Variants in CKAP2L observed in about 807,000 individuals in gnomAD.
The protein encoded by CKAP2L is cytoskeleton associated protein 2L, also known as cytoskeleton-associated protein 2-like.
Under a neutral mutation model 65.7 loss-of-function variants are expected in CKAP2L, and 42 were observed. The ratio of observed to expected loss-of-function variants is 0.64; its 90% CI spans 0.50 to 0.83. The LOEUF is 0.83. CKAP2L is among the 40% of genes least tolerant of loss of function. The pLI is 0.00. For missense variants in CKAP2L, 908 were observed against 871.0 expected (o/e 1.04, Z -0.53); for synonymous variants, 325 against 313.5 (o/e 1.04, Z -0.39).
chr2:112,756,284 G>T lies in CKAP2L; in HGVS notation c.1087C>A (p.Pro363Thr). The change falls in exon 4 of 9, where the codon CCT (proline) becomes ACT (threonine). Residue 363 changes from proline (P) to threonine (T), a missense_variant. By Grantham distance (38) the Pro-to-Thr change is conservative. Transcript: ENST00000302450. ...TTTTGCAGTACACATGATGTCTGAG[G>T]TATACAAACTTGGCTGGACTTCTGA... Reference protein sequence around the residue: ...QDQKSSQVCIPQTSCVLQKSK... With the variant: ...QDQKSSQVCITQTSCVLQKSK... 1 of 1,614,090 alleles carries T rather than the reference G, an allele frequency of 6.2e-7. No homozygotes were observed. Among genetic ancestry groups the T allele is most frequent in the Non-Finnish European group, 8.5e-7 (1 of 1,179,982 alleles).
rs777273612 is a variant in CKAP2L, at chr2:112,757,021, G to C, written c.350C>G (p.Ser117Cys). 1 of 1,614,046 alleles carries C rather than the reference G, an allele frequency of 6.2e-7. No individual in the cohort carries two copies. Among genetic ancestry groups the C allele is most frequent in the East Asian group, 2.2e-5 (1 of 44,900 alleles). Residue 117 changes from serine (S) to cysteine (C), a missense_variant, in exon 4 of 9, where the codon TCT becomes TGT. Ser to Cys is a moderately radical substitution (Grantham distance 112, BLOSUM62 -1). Coordinates refer to ENST00000302450, the MANE Select transcript of CKAP2L (RefSeq NM_152515.5). ...TTCACACTGTTGAAAACTCTTGCTA[G>C]AAGGCTTAGAGTATGGGTTAGAAGA... ...CVSSNPYSKPSSKSFQQCEAG... is the reference protein window; with the variant it reads ...CVSSNPYSKPCSKSFQQCEAG...
Position 112,764,569 on chromosome 2 carries a change from G to C in CKAP2L, c.30C>G (p.Ala10=). 1 of 1,614,152 alleles carries C rather than the reference G, an allele frequency of 6.2e-7. No individual in the cohort carries two copies. Among genetic ancestry groups the C allele is most frequent in the Non-Finnish European group, 8.5e-7 (1 of 1,179,998 alleles). The change falls in exon 1 of 9, where the codon GCC becomes GCG. Residue 10 remains alanine (A), a synonymous_variant. Coordinates refer to ENST00000302450, the MANE Select transcript of CKAP2L (RefSeq NM_152515.5). The stretch of plus-strand genomic sequence containing the variant: ...AACAGCGGTCGTACTCACCGACAGC[G>C]GCAGCAGCGGTAGGCCCGGGCCCCA... MVGPGPTAA[A]AVEERQRKLQ... is the part of the protein sequence containing the mutation.
rs1403222821 is a variant in CKAP2L, at chr2:112,739,060, C to G, written c.2013-12G>C. On this transcript the variant is annotated splice_polypyrimidine_tract_variant and intron_variant, in intron 8 of 8. Coordinates refer to ENST00000302450, the MANE Select transcript of CKAP2L (RefSeq NM_152515.5). ...GCATCCCATTTATTCTGAGAGACAG[C>G]AAGAGATGCATTAAAAACCTTATCA... 1 of 1,581,880 alleles carries G rather than the reference C, an allele frequency of 6.3e-7. No individual in the cohort carries two copies.
At chr2:112,757,300 A>C in intron 3 of CKAP2L, 86 bp from the exon 4 acceptor site, 1 of 940,530 alleles carries the variant, frequency 1.1e-6, no homozygotes, top group Non-Finnish European at 1.5e-6. Flanking sequence ...ACACATGCTA[A>C]AAAAAATAAT....
In CKAP2L at chr2:112,739,107, ATT is replaced by A. The variant is rs1431905975; in HGVS notation, c.2013-61_2013-60del. The A allele has an allele frequency of 6.1e-6, 8 of 1,318,346 alleles. No homozygotes were observed. In the East Asian group the frequency reaches 1.0e-4, roughly 17 times the overall value. The allele number at this position is 1,318,346 out of a possible 1,614,324, so 81.7% of individuals were successfully genotyped here. On this transcript the variant is annotated intron_variant, in intron 8 of 8. Transcript: ENST00000302450. Reference sequence around the variant, plus strand: ...ATCATTTAAAAAAATTATCTTTATTATTTTTTGTTTCTTATTCAATAATAAAA... The same window carrying A: ...ATCATTTAAAAAAATTATCTTTATTATTTTGTTTCTTATTCAATAATAAAA...
intron 3 of CKAP2L, among the ~76,000 whole-genome samples, chr2:112,758,033 G>A (rs1288499560): frequency 6.6e-6 from 1 of 152,174 alleles, no homozygotes; most frequent in Non-Finnish European, 1.5e-5. Flanking sequence ...AAGGAGATAG[G>A]TGGCAGATGA....
At chr2:112,763,002 TCTC>T (rs1360280970) in intron 1 of CKAP2L, among the ~76,000 whole-genome samples, 4 of 152,158 alleles carry the variant, frequency 2.6e-5, no homozygotes, top group Admixed American at 2.6e-4. Flanking sequence ...CCAGGGGTGG[TCTC>T]AAATTCCTGA....
intron 4 of CKAP2L, among the ~76,000 whole-genome samples, chr2:112,753,686 C>A (rs1431023170): frequency 1.3e-5 from 2 of 152,094 alleles, no homozygotes; most frequent in South Asian, 2.1e-4. Context: ...TGCCACCACA[C>A]CCGGCTAATT....
chr2:112,743,154 T>C (rs1680076027), intron 6 of CKAP2L, among the ~76,000 whole-genome samples: 1 of 152,108 alleles, frequency 6.6e-6, no homozygotes. Flanking sequence ...GATATAGATA[T>C]ATTTTCTTGA....
chr2:112,757,329 T>A, intron 3 of CKAP2L, 115 bp from the exon 4 acceptor site: 1 of 720,734 alleles, frequency 1.4e-6, no homozygotes, highest in Non-Finnish European at 2.1e-6. Context: ...GAATTTCATC[T>A]AAGAAAGTTG....
chr2:112,757,689 C>T (rs1680589181), intron 3 of CKAP2L, among the ~76,000 whole-genome samples: 1 of 152,142 alleles, frequency 6.6e-6, no homozygotes, highest in Non-Finnish European at 1.5e-5. Context: ...CACACCTGTC[C>T]TAACAGGTAG....
intron 6 of CKAP2L, chr2:112,742,973 C>T: frequency 3.7e-6 from 2 of 547,656 alleles, no homozygotes; most frequent in South Asian, 2.5e-5. Context: ...TAAGTGTTGG[C>T]ACACTCGACT....
chr2:112,753,215 T>C (rs1680431182), intron 4 of CKAP2L, among the ~76,000 whole-genome samples: 1 of 152,192 alleles, frequency 6.6e-6, no homozygotes, highest in African/African-American at 2.4e-5. Context: ...TCCCCAAACT[T>C]TGTAAAACCC....
At chr2:112,758,742 T>G (rs1680619934) in intron 3 of CKAP2L, among the ~76,000 whole-genome samples, 1 of 152,214 alleles carries the variant, frequency 6.6e-6, no homozygotes, top group Non-Finnish European at 1.5e-5. Flanking sequence ...ATTGATATAA[T>G]CCACAAACCA....
chr2:112,756,449 T>G lies in CKAP2L; in HGVS notation c.922A>C (p.Ser308Arg). 2 of 1,613,650 alleles carry G rather than the reference T, an allele frequency of 1.2e-6. No individual in the cohort carries two copies. The highest frequency in any genetic ancestry group is 1.7e-6 in the Non-Finnish European group (2 of 1,179,802). ...GTTTCATTTGGTCTTTCATATTGAC[T>G]CCTATTAACCTTTATATCTTTGATG... ...KNIKDIKVNRSQYERPNETKI... is the reference protein window; with the variant it reads ...KNIKDIKVNRRQYERPNETKI... The change falls in exon 4 of 9, where the codon AGT becomes CGT. Residue 308 changes from serine (S) to arginine (R), a missense_variant. Physicochemically the swap from Ser to Arg is moderately radical, Grantham distance 110 (BLOSUM62 -1). Coordinates refer to ENST00000302450, the MANE Select transcript of CKAP2L (RefSeq NM_152515.5).
intron 1 of CKAP2L, 109 bp downstream of exon 1, chr2:112,764,453 G>T: frequency 8.1e-7 from 1 of 1,231,438 alleles, no homozygotes; most frequent in Non-Finnish European, 1.2e-6. Context: ...GGAAACTTAG[G>T]CAGGCGAGCG....
intron 3 of CKAP2L, among the ~76,000 whole-genome samples, chr2:112,758,777 C>T (rs889690951): frequency 6.6e-6 from 1 of 151,988 alleles, no homozygotes; most frequent in Non-Finnish European, 1.5e-5. Context: ...TTAGTAAGTG[C>T]ACACTTCTGT....
intron 1 of CKAP2L, among the ~76,000 whole-genome samples, chr2:112,762,900 C>T (rs1305169460): frequency 6.6e-6 from 1 of 151,992 alleles, no homozygotes; most frequent in Non-Finnish European, 1.5e-5. Context: ...CCTCACACCT[C>T]AGTCTCCTGA....
chr2:112,744,963 G>T (rs1262374961), intron 6 of CKAP2L, among the ~76,000 whole-genome samples: 1 of 152,036 alleles, frequency 6.6e-6, no homozygotes, highest in Non-Finnish European at 1.5e-5. Context: ...AGAAAGAAAT[G>T]AAAAACATTG....
Sources: allele counts gnomAD v4.1 joint callset (sites outside exome capture counted in the v4.1 genomes callset), GRCh38; gene constraint gnomAD v4.1.1; transcripts MANE v1.5; gene names NCBI Gene and HGNC (gene_info 2026-07-23, HGNC 2026-07-21).